IGFBP7: variants seen among roughly 807,000 people sequenced by gnomAD.
The protein encoded by IGFBP7 is insulin-like growth factor-binding protein 7.
In IGFBP7, 31 loss-of-function variants were observed where a neutral mutation model predicts 29.4. The ratio of observed to expected loss-of-function variants is 1.05; its 90% CI spans 0.79 to 1.42. IGFBP7 has a LOEUF of 1.42. Ranked by LOEUF, IGFBP7 falls within the 40% of genes most tolerant of loss-of-function variation. The probability of loss-of-function intolerance (pLI) is 0.00; values close to 1 mark genes in which losing one functional copy is unlikely to be tolerated. For missense variants in IGFBP7, 393 were observed against 395.5 expected (o/e 0.99, Z 0.05); for synonymous variants, 172 against 174.9 (o/e 0.98, Z 0.13).
intron 1 of IGFBP7, among the ~76,000 whole-genome samples, chr4:57,070,469 C>G (rs1725029052): frequency 6.6e-6 from 1 of 152,174 alleles, no homozygotes; most frequent in Non-Finnish European, 1.5e-5. Flanking sequence ...AAGTACATGT[C>G]CTGCTGAAAA....
At chr4:57,098,891 T>C (rs1412476224) in intron 1 of IGFBP7, among the ~76,000 whole-genome samples, 2 of 152,240 alleles carry the variant, frequency 1.3e-5, no homozygotes, top group South Asian at 2.1e-4. Context: ...AAAGCTCCCA[T>C]GGAGAAGGAA....
At chr4:57,055,181 G>A (rs574899764) in intron 1 of IGFBP7, among the ~76,000 whole-genome samples, 3 of 152,184 alleles carry the variant, frequency 2.0e-5, no homozygotes, top group South Asian at 2.1e-4. Flanking sequence ...CTCAGCCACC[G>A]GGTACTGGCC....
chr4:57,050,778 G>A (rs1227020323), intron 1 of IGFBP7, among the ~76,000 whole-genome samples: 1 of 148,780 alleles, frequency 6.7e-6, no homozygotes. Flanking sequence ...GGCTGGTCTC[G>A]AACCCTTGGC....
chr4:57,031,225 G>T lies in IGFBP7; in HGVS notation c.*92C>A. On this transcript the variant is annotated 3_prime_UTR_variant, in exon 5 of 5. Coordinates refer to ENST00000295666, the MANE Select transcript of IGFBP7 (RefSeq NM_001553.3). ...AGTGAATATAACTAAAGTGTTAGTG[G>T]ATTGGATTAAAAGAAACTTATTAGG... The T allele has an allele frequency of 9.5e-7, 1 of 1,053,436 alleles. No individual in the cohort carries two copies. The highest frequency in any genetic ancestry group is 1.5e-6 in the Non-Finnish European group (1 of 681,110). 65.3% of individuals were successfully genotyped at this position (1,053,436 alleles called of 1,614,324 possible). A position where few individuals can be genotyped will look rare whatever the true frequency, so the allele number is the denominator to read the frequency against.
At chr4:57,100,361 A>G (rs1306086545) in intron 1 of IGFBP7, among the ~76,000 whole-genome samples, 1 of 151,026 alleles carries the variant, frequency 6.6e-6, no homozygotes, top group Non-Finnish European at 1.5e-5. Context: ...ATTACAAACA[A>G]GAGCCACTGT....
intron 1 of IGFBP7, among the ~76,000 whole-genome samples, chr4:57,043,279 C>T (rs1361733877): frequency 1.3e-5 from 2 of 152,172 alleles, no homozygotes; most frequent in Non-Finnish European, 2.9e-5. Flanking sequence ...GCTCTTATTC[C>T]ATGCTTAGCA....
At chr4:57,085,026 C>A (rs1001223079) in intron 1 of IGFBP7, among the ~76,000 whole-genome samples, 1 of 151,856 alleles carries the variant, frequency 6.6e-6, no homozygotes, top group Non-Finnish European at 1.5e-5. Context: ...TGGGATCAAG[C>A]GATCCACCCA....
intron 1 of IGFBP7, among the ~76,000 whole-genome samples, chr4:57,102,943 G>C (rs777784054): frequency 2.6e-5 from 4 of 152,114 alleles, no homozygotes; most frequent in Non-Finnish European, 4.4e-5. Context: ...GGGACTTTAG[G>C]GGGAAGAGAC....
chr4:57,092,853 A>T (rs1013058609), intron 1 of IGFBP7, among the ~76,000 whole-genome samples: 2 of 151,216 alleles, frequency 1.3e-5, no homozygotes, highest in South Asian at 4.1e-4. Flanking sequence ...TATAAATAAA[A>T]TTTATAAAAT....
At chr4:57,032,292 T>C in intron 4 of IGFBP7, 134 bp downstream of exon 4, 3 of 1,454,598 alleles carry the variant, frequency 2.1e-6, no homozygotes, top group Non-Finnish European at 2.7e-6. Flanking sequence ...TTTAATGGCA[T>C]ACTTAATGCC....
intron 2 of IGFBP7, among the ~76,000 whole-genome samples, chr4:57,036,621 T>C (rs1406954720): frequency 3.3e-5 from 5 of 152,194 alleles, no homozygotes; most frequent in Admixed American, 3.3e-4. Context: ...GCTAGGAGTT[T>C]GCTGAAAGGT....
At chr4:57,031,924 G>A (rs1404423403) in intron 4 of IGFBP7, 1 of 167,978 alleles carries the variant, frequency 6.0e-6, no homozygotes, top group Non-Finnish European at 1.3e-5. Context: ...TAAATGTAAA[G>A]TAGCACTGCT....
intron 1 of IGFBP7, among the ~76,000 whole-genome samples, chr4:57,091,988 T>G (rs1014086689): frequency 6.6e-6 from 1 of 152,238 alleles, no homozygotes. Context: ...CTCAGTATTA[T>G]GCAGGGAAGT....
intron 1 of IGFBP7, among the ~76,000 whole-genome samples, chr4:57,060,728 G>A (rs1389597711): frequency 6.6e-6 from 1 of 151,950 alleles, no homozygotes; most frequent in Non-Finnish European, 1.5e-5. Context: ...TGGGAGCCTG[G>A]GCAATATAGT....
Position 57,050,801 on chromosome 4 carries a change from TC to T in IGFBP7, c.476-9869del, listed in dbSNP as rs532607958. On this transcript the variant is annotated intron_variant, in intron 1 of 4. Transcript: ENST00000295666. ...TCGAACCCTTGGCTTCAAGTGATCC[TC>T]CCTCCTCGGCCTCTCAAAGTGCTGG... Among the ~76,000 whole-genome samples the T allele has an allele frequency of 2.6e-5, 4 of 151,658 alleles. No homozygotes were observed. In the South Asian group the frequency reaches 8.3e-4, roughly 32 times the overall value.
chr4:57,036,463 CAGAG>C (rs938462089), intron 2 of IGFBP7, among the ~76,000 whole-genome samples: 39 of 152,268 alleles, frequency 2.6e-4, no homozygotes, highest in African/African-American at 9.4e-4. Flanking sequence ...AAGAATTAAA[CAGAG>C]AGCCTCTCCG....
At chr4:57,071,124 G>T (rs1178718502) in intron 1 of IGFBP7, among the ~76,000 whole-genome samples, 1 of 152,170 alleles carries the variant, frequency 6.6e-6, no homozygotes, top group Non-Finnish European at 1.5e-5. Context: ...ATAAGGTACC[G>T]CATGAGCATA....
At chr4:57,050,965 TGAA>T (rs1724490955) in intron 1 of IGFBP7, among the ~76,000 whole-genome samples, 1 of 152,128 alleles carries the variant, frequency 6.6e-6, no homozygotes, top group Admixed American at 6.5e-5. Context: ...TGCTGGGTCC[TGAA>T]AATAGTGTGT....
At chr4:57,094,814 C>T (rs1419566492) in intron 1 of IGFBP7, among the ~76,000 whole-genome samples, 2 of 152,190 alleles carry the variant, frequency 1.3e-5, no homozygotes, top group African/African-American at 2.4e-5. Context: ...TTTGTGGATG[C>T]CATATTTGCA....
Sources: gnomAD v4.1 joint callset for allele counts (sites outside exome capture counted in the v4.1 genomes callset) on GRCh38, gnomAD v4.1.1 for gene constraint, MANE v1.5 for transcripts, NCBI Gene and HGNC (gene_info 2026-07-23, HGNC 2026-07-21) for gene names.